Variants in PELI2 observed in about 807,000 individuals in gnomAD.
PELI2 encodes the protein pellino E3 ubiquitin protein ligase family member 2.
In PELI2, 23 loss-of-function variants were observed where a neutral mutation model predicts 42.3. The ratio of observed to expected loss-of-function variants is 0.54; its 90% CI spans 0.39 to 0.77. PELI2 has a LOEUF of 0.77. PELI2 is among the 30% of genes least tolerant of loss of function. The pLI is 0.00. For missense variants in PELI2, 463 were observed against 553.2 expected (o/e 0.84, Z 1.64); for synonymous variants, 245 against 212.2 (o/e 1.15, Z -1.34).
intron 2 of PELI2, among the ~76,000 whole-genome samples, chr14:56,229,663 A>G (rs1167804804): frequency 6.6e-6 from 1 of 152,236 alleles, no homozygotes; most frequent in African/African-American, 2.4e-5. Context: ...GAAAAGCTGA[A>G]AATTCTAAAA....
chr14:56,209,009 T>A (rs1352959408), intron 2 of PELI2, among the ~76,000 whole-genome samples: 1 of 152,198 alleles, frequency 6.6e-6, no homozygotes, highest in African/African-American at 2.4e-5. Context: ...TACTTAATAT[T>A]TTTCTGATGA....
chr14:56,222,062 T>C (rs1206847719), intron 2 of PELI2, among the ~76,000 whole-genome samples: 1 of 141,124 alleles, frequency 7.1e-6, no homozygotes, highest in Non-Finnish European at 1.6e-5. Flanking sequence ...TATTCTTTTT[T>C]AGCTTTGGAC....
chr14:56,255,282 T>C (rs1017174617), intron 2 of PELI2, among the ~76,000 whole-genome samples: 5 of 152,176 alleles, frequency 3.3e-5, no homozygotes, highest in African/African-American at 9.7e-5. Flanking sequence ...GTGGCACATA[T>C]ACACCATAGA....
rs573545540 is a variant in PELI2, at chr14:56,299,375, T to C, written c.*2209T>C. The C allele has an allele frequency of 7.9e-5, 12 of 152,248 alleles. No individual in the cohort carries two copies. The East Asian group carries it at 2.1e-3, about 27-fold the overall frequency. The allele number at this position is 152,248 out of a possible 1,614,324, so 9.4% of individuals were successfully genotyped here. A position where few individuals can be genotyped will look rare whatever the true frequency, so the allele number is the denominator to read the frequency against. On this transcript the variant is annotated 3_prime_UTR_variant, in exon 6 of 6. Transcript: ENST00000267460. Reference sequence around the variant, plus strand: ...TATGTCTAACTAAAAGTTTCTGACTTTTAGTAAATTCAGCTTAAATATAAG... The same window carrying C: ...TATGTCTAACTAAAAGTTTCTGACTCTTAGTAAATTCAGCTTAAATATAAG...
At chr14:56,244,298 T>C (rs1888075068) in intron 2 of PELI2, among the ~76,000 whole-genome samples, 1 of 152,212 alleles carries the variant, frequency 6.6e-6, no homozygotes. Flanking sequence ...CAAATACTGC[T>C]GTTGCATGTG....
chr14:56,211,104 G>C (rs1474937250), intron 2 of PELI2, among the ~76,000 whole-genome samples: 1 of 152,064 alleles, frequency 6.6e-6, no homozygotes, highest in African/African-American at 2.4e-5. Flanking sequence ...GTCTTGCTAC[G>C]CTGTCAACTG....
intron 2 of PELI2, among the ~76,000 whole-genome samples, chr14:56,260,905 T>G (rs181199182): frequency 1.7e-3 from 264 of 152,276 alleles, no homozygotes; most frequent in African/African-American, 6.1e-3. Context: ...TTTGAAGCCA[T>G]GTATTTTGAA....
At chr14:56,178,734 G>A (rs1253971149) in intron 2 of PELI2, among the ~76,000 whole-genome samples, 2 of 152,194 alleles carry the variant, frequency 1.3e-5, no homozygotes, top group Non-Finnish European at 2.9e-5. Context: ...AGACATTGCA[G>A]CCCGTCTCCT....
chr14:56,140,404 G>A (rs114657035), intron 1 of PELI2, among the ~76,000 whole-genome samples: 98 of 152,328 alleles, frequency 6.4e-4, no homozygotes, highest in Middle Eastern at 3.4e-3. Flanking sequence ...TTCAAAAGTA[G>A]TCAAAGCAAC....
chr14:56,226,344 C>T (rs1290316033), intron 2 of PELI2, among the ~76,000 whole-genome samples: 2 of 152,202 alleles, frequency 1.3e-5, no homozygotes, highest in African/African-American at 4.8e-5. Flanking sequence ...GGCCAGCCCA[C>T]CAGTGCTGCC....
Position 56,118,631 on chromosome 14 carries a change from G to GCGGCGGCGT in PELI2, c.-22_-14dup. The GCGGCGGCGT allele has an allele frequency of 1.5e-6, 2 of 1,334,986 alleles. No homozygotes were observed. Among genetic ancestry groups the GCGGCGGCGT allele is most frequent in the Admixed American group, 3.5e-5 (1 of 28,284 alleles). The allele number at this position is 1,334,986 out of a possible 1,614,324, so 82.7% of individuals were successfully genotyped here. ...GATCGCGGCGGAGGCGGCGGCGTCG[G>GCGGCGGCGT]CGGCGGCGTCGGCGGCCGAGCGGGG... On this transcript the variant is annotated 5_prime_UTR_variant, in exon 1 of 6. Coordinates refer to ENST00000267460, the MANE Select transcript of PELI2 (RefSeq NM_021255.3).
chr14:56,298,792 C>CT lies in PELI2; in HGVS notation c.*1629dup, dbSNP rs1297943335. On this transcript the variant is annotated 3_prime_UTR_variant, in exon 6 of 6. Coordinates refer to ENST00000267460, the MANE Select transcript of PELI2 (RefSeq NM_021255.3). ...GTTCAGCCTCTCAGTTTTAATATAG[C>CT]TTTATTTTTCAGTGGAGATCATTGT... The CT allele has an allele frequency of 6.6e-6, 1 of 152,470 alleles. No homozygotes were observed. The highest frequency in any genetic ancestry group is 1.9e-4 in the East Asian group (1 of 5,188). 9.4% of individuals were successfully genotyped at this position (152,470 alleles called of 1,614,324 possible).
At chr14:56,268,555 A>T (rs959983600) in intron 2 of PELI2, among the ~76,000 whole-genome samples, 2 of 152,332 alleles carry the variant, frequency 1.3e-5, no homozygotes, top group Middle Eastern at 3.4e-3. Flanking sequence ...TTGGCATTTC[A>T]CAAGAATGTT....
chr14:56,201,690 G>C (rs951821047), intron 2 of PELI2, among the ~76,000 whole-genome samples: 3 of 152,082 alleles, frequency 2.0e-5, no homozygotes, highest in African/African-American at 7.2e-5. Context: ...TTGCTTTTAG[G>C]GGGTGGCTCA....
At chr14:56,222,642 T>TA (rs1322790679) in intron 2 of PELI2, among the ~76,000 whole-genome samples, 1 of 152,208 alleles carries the variant, frequency 6.6e-6, no homozygotes, top group Non-Finnish European at 1.5e-5. Context: ...AGTGAAAGCT[T>TA]AAGAGGATAG....
At chr14:56,168,049 C>G (rs976399369) in intron 1 of PELI2, among the ~76,000 whole-genome samples, 5 of 152,330 alleles carry the variant, frequency 3.3e-5, no homozygotes, top group African/African-American at 1.2e-4. Flanking sequence ...TCTGAGCCAC[C>G]TAACGCTGGG....
At chr14:56,230,436 G>A (rs1464800553) in intron 2 of PELI2, among the ~76,000 whole-genome samples, 1 of 152,112 alleles carries the variant, frequency 6.6e-6, no homozygotes, top group African/African-American at 2.4e-5. Context: ...AGAGAGTGGG[G>A]GCCAGTATTC....
intron 2 of PELI2, among the ~76,000 whole-genome samples, chr14:56,184,982 G>A (rs17689278): frequency 0.12 from 17,792 of 151,986 alleles, 1,323 homozygotes; most frequent in Middle Eastern, 0.17. Flanking sequence ...CCTGGGATAC[G>A]GTTTCATAAA....
intron 1 of PELI2, among the ~76,000 whole-genome samples, chr14:56,164,156 C>G (rs1464174984): frequency 6.6e-6 from 1 of 152,056 alleles, no homozygotes; most frequent in African/African-American, 2.4e-5. Context: ...TTTCCCCATT[C>G]CGTATGATAC....
Sources: gnomAD v4.1 joint callset for allele counts (sites outside exome capture counted in the v4.1 genomes callset) on GRCh38, gnomAD v4.1.1 for gene constraint, MANE v1.5 for transcripts, NCBI Gene and HGNC (gene_info 2026-07-23, HGNC 2026-07-21) for gene names.